Variants in SRSF5 observed in about 807,000 individuals in gnomAD.
SRSF5 encodes serine/arginine-rich splicing factor 5.
A neutral mutation model predicts 34.0 loss-of-function variants in SRSF5; 5 were observed. The ratio of observed to expected loss-of-function variants is 0.15; its 90% CI spans 0.08 to 0.31. The LOEUF (loss-of-function observed/expected upper bound fraction) is 0.31. Among genes scored for constraint, SRSF5 ranks in the 10% least tolerant of loss-of-function variants. SRSF5 has a pLI of 1.00. For synonymous variants in SRSF5, 164 were observed against 117.7 expected (o/e 1.39, Z -2.55); for missense variants, 223 against 351.4 (o/e 0.63, Z 2.92).
chr14:69,768,038 CTG>C, intron 1 of SRSF5, 98 bp from the exon 2 acceptor site: 1 of 1,345,500 alleles, frequency 7.4e-7, no homozygotes, highest in Non-Finnish European at 1.0e-6. Context: ...CATAACATCA[CTG>C]TGTAAACATT....
rs1182023090 is a variant in SRSF5, at chr14:69,768,177, C to T, written c.21C>T (p.Phe7=). 6.2e-7 allele frequency: 1 copy of T among 1,614,102 alleles called. No homozygotes were observed. The highest frequency in any genetic ancestry group is 1.7e-5 in the Admixed American group (1 of 60,020). ...ACATCATGAGTGGCTGTCGGGTATT[C>T]ATCGGGAGACTAAATCCAGCGGCCA... MSGCRV[F]IGRLNPAARE... is the part of the protein sequence containing the mutation. Residue 7 remains phenylalanine, a synonymous_variant, in exon 2 of 8, where the codon TTC becomes TTT. Transcript: ENST00000557154.
At chr14:69,767,448 CTG>C in intron 1 of SRSF5, 193 bp downstream of exon 1, 1 of 456,022 alleles carries the variant, frequency 2.2e-6, no homozygotes, top group Non-Finnish European at 4.4e-6. Flanking sequence ...AGGGCGGTCA[CTG>C]TTCGGGTCGT....
chr14:69,767,376 T>G, intron 1 of SRSF5, 121 bp downstream of exon 1: 1 of 455,926 alleles, frequency 2.2e-6, no homozygotes, highest in Non-Finnish European at 4.4e-6. Context: ...CGCAGTTGAT[T>G]CGAGGTGGGC....
intron 1 of SRSF5, chr14:69,767,589 C>T (rs34496118): frequency 0.081 from 36,685 of 455,096 alleles, 1,956 homozygotes; most frequent in Middle Eastern, 0.15. Context: ...AGGGCGGCCG[C>T]AGTGACCCCC....
chr14:69,769,349 T>A, intron 5 of SRSF5, 98 bp downstream of exon 5: 2 of 1,515,220 alleles, frequency 1.3e-6, no homozygotes, highest in South Asian at 2.5e-5. Context: ...TAGTTTTAAA[T>A]TAATGGATTT....
intron 6 of SRSF5, chr14:69,770,755 A>T: frequency 3.1e-6 from 2 of 636,860 alleles, no homozygotes; most frequent in Non-Finnish European, 5.4e-6. Flanking sequence ...GCATGTAGTC[A>T]GTAGGGGCTA....
intron 5 of SRSF5, 162 bp from the exon 6 acceptor site, chr14:69,770,305 A>G (rs1363768194): frequency 4.2e-6 from 6 of 1,419,742 alleles, no homozygotes; most frequent in East Asian, 5.2e-5. Flanking sequence ...GTGCCCTGAC[A>G]TAGATAATTT....
chr14:69,770,965 T>G, intron 6 of SRSF5, 30 bp from the exon 7 acceptor site: 1 of 1,581,558 alleles, frequency 6.3e-7, no homozygotes, highest in Non-Finnish European at 8.6e-7. Flanking sequence ...AGGATGTATA[T>G]ACTTTAAAAG....
rs202187927 is a variant in SRSF5, at chr14:69,770,989, T to C, written c.441-6T>C. ...ATACTTTAAAAGTGGCTGTTTTCCATTTTAGGGTGGTTGAGTTTGCCTCTT... is the reference window on the plus strand; with the variant it reads ...ATACTTTAAAAGTGGCTGTTTTCCACTTTAGGGTGGTTGAGTTTGCCTCTT... On this transcript the variant is annotated splice_polypyrimidine_tract_variant and splice_region_variant and intron_variant, in intron 6 of 7. Transcript: ENST00000557154. The C allele has an allele frequency of 1.2e-6, 2 of 1,609,878 alleles. No homozygotes were observed. The highest frequency in any genetic ancestry group is 4.5e-5 in the East Asian group (2 of 44,856).
intron 2 of SRSF5, 159 bp downstream of exon 2, chr14:69,768,441 G>A (rs770193053): frequency 7.9e-7 from 1 of 1,267,698 alleles, no homozygotes; most frequent in Admixed American, 2.0e-5. Context: ...TTAACTTGCC[G>A]GCTCACTGGA....
Position 69,771,010 on chromosome 14 carries a change from C to T in SRSF5, c.456C>T (p.Ala152=), listed in dbSNP as rs777202427. ...PKLNEGVVEF[A]SYGDLKNAIE... is the part of the protein sequence containing the mutation. ...TCCATTTTAGGGTGGTTGAGTTTGC[C>T]TCTTATGGTGACTTAAAGAATGCTA... Residue 152 remains alanine (A), a synonymous_variant, in exon 7 of 8, where the codon GCC becomes GCT. Coordinates refer to ENST00000557154, the MANE Select transcript of SRSF5 (RefSeq NM_001320214.2). 3 of 1,612,720 alleles carry T rather than the reference C, an allele frequency of 1.9e-6. No homozygotes were observed. Among genetic ancestry groups the T allele is most frequent in the East Asian group, 2.2e-5 (1 of 44,866 alleles).
At chr14:69,769,136 C>T (rs767781263) in intron 4 of SRSF5, 46 bp from the exon 5 acceptor site, 1 of 1,602,444 alleles carries the variant, frequency 6.2e-7, no homozygotes, top group Non-Finnish European at 8.6e-7. Flanking sequence ...AACACAAGTG[C>T]TGTCATTGCA....
rs150245479 is a variant in SRSF5, at chr14:69,768,493, G to A, written c.127-111G>A. On this transcript the variant is annotated intron_variant, in intron 2 of 7. Transcript: ENST00000557154. ...CTCCTTGATTAGGTTTGACTGTATG[G>A]CAGTGTCGTTAAGATACTCTTCCCA... The A allele has an allele frequency of 4.2e-4, 529 of 1,249,270 alleles. 1 individual carries two copies. The African/African-American group carries it at 6.9e-3, about 16-fold the overall frequency. 77.4% of individuals were successfully genotyped at this position (1,249,270 alleles called of 1,614,324 possible). A position where few individuals can be genotyped will look rare whatever the true frequency, so the allele number is the denominator to read the frequency against.
At chr14:69,767,986 A>G in intron 1 of SRSF5, 152 bp from the exon 2 acceptor site, 1 of 783,330 alleles carries the variant, frequency 1.3e-6, no homozygotes, top group Non-Finnish European at 2.0e-6. Context: ...TTTTGTCTGC[A>G]GGTAACCTGG....
In SRSF5 at chr14:69,771,717, T is replaced by G; in HGVS notation, c.*256T>G. On this transcript the variant is annotated 3_prime_UTR_variant, in exon 8 of 8. Transcript: ENST00000557154. ...ATGTCTGAAGTATATAGTTTGTGTA[T>G]ATTGACAGAGCTCTTTTATAACTAA... 1 of 409,398 alleles carries G rather than the reference T, an allele frequency of 2.4e-6. No homozygotes were observed. The highest frequency in any genetic ancestry group is 4.3e-6 in the Non-Finnish European group (1 of 230,496). 25.4% of individuals were successfully genotyped at this position (409,398 alleles called of 1,614,324 possible). A position where few individuals can be genotyped will look rare whatever the true frequency, so the allele number is the denominator to read the frequency against.
rs752715968 is a variant in SRSF5, at chr14:69,771,249, C to A, written c.607C>A (p.Arg203=). 1.9e-6 allele frequency: 3 copies of A among 1,614,026 alleles called. No individual in the cohort carries two copies. Among genetic ancestry groups the A allele is most frequent in the Non-Finnish European group, 2.5e-6 (3 of 1,180,016 alleles). Residue 203 remains arginine, a synonymous_variant, in exon 8 of 8, where the codon CGA becomes AGA. Transcript: ENST00000557154. Reference sequence around the variant, plus strand: ...CAGAAGTTCCTCTAGGTCTCGTAGCCGATCCCGTTCCCGTAGTCGCAAATC... The same window carrying A: ...CAGAAGTTCCTCTAGGTCTCGTAGCAGATCCCGTTCCCGTAGTCGCAAATC... The part of the protein sequence containing the change: ...RTRSSSRSRS[R]SRSRSRKSYS...
chr14:69,769,442 G>C, intron 5 of SRSF5, 191 bp downstream of exon 5: 1 of 1,531,176 alleles, frequency 6.5e-7, no homozygotes, highest in Non-Finnish European at 8.8e-7. Flanking sequence ...AAATGTAAAT[G>C]TTTTGAGGAT....
chr14:69,767,962 G>C, intron 1 of SRSF5, 176 bp from the exon 2 acceptor site: 2 of 627,784 alleles, frequency 3.2e-6, no homozygotes, highest in Non-Finnish European at 5.4e-6. Flanking sequence ...TGTTGGGAGG[G>C]AGCTGGGTTT....
At chr14:69,768,050 T>C in intron 1 of SRSF5, 88 bp from the exon 2 acceptor site, 4 of 1,455,498 alleles carry the variant, frequency 2.7e-6, no homozygotes, top group Non-Finnish European at 3.8e-6. Context: ...GTGTAAACAT[T>C]TTATGCCGTT....
Sources: allele counts gnomAD v4.1 joint callset, GRCh38; gene constraint gnomAD v4.1.1; transcripts MANE v1.5; gene names NCBI Gene and HGNC (gene_info 2026-07-23, HGNC 2026-07-21).